Variants in ASB15 observed in about 807,000 individuals in gnomAD.
The protein encoded by ASB15 is ankyrin repeat and SOCS box protein 15.
ASB15 carries 54 observed loss-of-function variants against 58.0 expected under a neutral mutation model. The observed-to-expected ratio is 0.93, with a 90% confidence interval of 0.75 to 1.17. The LOEUF (loss-of-function observed/expected upper bound fraction) is 1.17, where lower values mean the gene tolerates loss of function less well. ASB15 is among the 50% of genes most tolerant of loss of function. The probability of loss-of-function intolerance (pLI) is 0.00; values close to 1 mark genes in which losing one functional copy is unlikely to be tolerated. For synonymous variants in ASB15, 249 were observed against 262.4 expected (o/e 0.95, Z 0.50); for missense variants, 680 against 707.4 (o/e 0.96, Z 0.44).
chr7:123,618,732 C>T (rs1413312453), intron 7 of ASB15, among the ~76,000 whole-genome samples: 3 of 151,778 alleles, frequency 2.0e-5, no homozygotes, highest in Non-Finnish European at 2.9e-5. Context: ...CTCCTGTTCA[C>T]AGAGGAATCA....
At chr7:123,619,697 G>A (rs1290292541) in intron 7 of ASB15, among the ~76,000 whole-genome samples, 1 of 152,056 alleles carries the variant, frequency 6.6e-6, no homozygotes, top group Non-Finnish European at 1.5e-5. Flanking sequence ...CTAATGTTTT[G>A]TATTTTTAGT....
At chr7:123,635,782 A>G (rs1802395838) in intron 11 of ASB15, among the ~76,000 whole-genome samples, 1 of 151,620 alleles carries the variant, frequency 6.6e-6, no homozygotes, top group South Asian at 2.1e-4. Flanking sequence ...TCTGTAAGGC[A>G]GCATATTGGT....
At chr7:123,569,493 A>G (rs1030049113) in intron 1 of ASB15, among the ~76,000 whole-genome samples, 2 of 152,192 alleles carry the variant, frequency 1.3e-5, no homozygotes, top group African/African-American at 2.4e-5. Context: ...ATGCTATTGC[A>G]TGCATTTTTA....
intron 11 of ASB15, among the ~76,000 whole-genome samples, chr7:123,636,255 TATAG>T (rs1435992248): frequency 2.0e-5 from 3 of 152,192 alleles, no homozygotes; most frequent in Admixed American, 2.0e-4. Context: ...GCAATTATAA[TATAG>T]ATAAAGTAAG....
chr7:123,609,462 G>A (rs1008150124), intron 3 of ASB15, among the ~76,000 whole-genome samples: 1 of 152,170 alleles, frequency 6.6e-6, no homozygotes, highest in Admixed American at 6.5e-5. Context: ...GATGTGACAG[G>A]TGCTGGGGGC....
At chr7:123,619,571 T>C (rs1244651406) in intron 7 of ASB15, among the ~76,000 whole-genome samples, 1 of 152,130 alleles carries the variant, frequency 6.6e-6, no homozygotes, top group Non-Finnish European at 1.5e-5. Context: ...TTGCCCAGGC[T>C]GGAGTGCAGT....
chr7:123,626,516 T>C (rs1370905372), intron 8 of ASB15, among the ~76,000 whole-genome samples: 2 of 152,206 alleles, frequency 1.3e-5, no homozygotes, highest in Non-Finnish European at 2.9e-5. Flanking sequence ...CTACTGTCTT[T>C]AAATTAAAAA....
chr7:123,615,888 T>G (rs922293585), intron 4 of ASB15, among the ~76,000 whole-genome samples: 3 of 152,164 alleles, frequency 2.0e-5, no homozygotes, highest in African/African-American at 7.2e-5. Context: ...CTCCCCAGAA[T>G]CACAAAATCA....
At chr7:123,598,013 C>G (rs1386757639), upstream of ASB15, among the ~76,000 whole-genome samples, 1 of 144,348 alleles carries the variant, frequency 6.9e-6, no homozygotes, top group Non-Finnish European at 1.5e-5. Flanking sequence ...CATCTCTCTA[C>G]TTGTTTGTCT....
chr7:123,616,390 G>A lies in ASB15; in HGVS notation c.187G>A (p.Val63Ile), dbSNP rs755015590. ...QGHIPELQEYVKYKYAMDEAD... is the reference protein window; with the variant it reads ...QGHIPELQEYIKYKYAMDEAD... ...TCACATTCCTGAGCTCCAGGAGTAT[G>A]TAAAATATAAATATGCAATGGATGA... Residue 63 changes from valine (V) to isoleucine (I), a missense_variant, in exon 6 of 12, where the codon GTA (valine) becomes ATA (isoleucine). Val to Ile is a conservative substitution (Grantham distance 29, BLOSUM62 3). Coordinates refer to ENST00000451215, the MANE Select transcript of ASB15 (RefSeq NM_001290258.2). The A allele has an allele frequency of 6.2e-7, 1 of 1,608,872 alleles. No homozygotes were observed. Among genetic ancestry groups the A allele is most frequent in the African/African-American group, 1.3e-5 (1 of 74,716 alleles).
intron 1 of ASB15, among the ~76,000 whole-genome samples, chr7:123,574,021 T>A (rs1487230952): frequency 2.6e-5 from 4 of 152,114 alleles, no homozygotes; most frequent in African/African-American, 9.7e-5. Context: ...AAGAAATACA[T>A]GTTACTCATT....
chr7:123,591,090 G>T (rs915402596), intron 1 of ASB15, among the ~76,000 whole-genome samples: 5 of 152,062 alleles, frequency 3.3e-5, no homozygotes, highest in African/African-American at 4.8e-5. Context: ...TCATAATTTG[G>T]CTCTCTGTTT....
chr7:123,600,919 G>GA (rs751899524), upstream of ASB15, among the ~76,000 whole-genome samples: 13 of 152,060 alleles, frequency 8.5e-5, no homozygotes, highest in Non-Finnish European at 1.5e-4. Context: ...AGAGTTTCAG[G>GA]AAAAAGGGAA....
At chr7:123,630,978 C>G (rs1802087584) in intron 11 of ASB15, among the ~76,000 whole-genome samples, 1 of 152,150 alleles carries the variant, frequency 6.6e-6, no homozygotes, top group African/African-American at 2.4e-5. Context: ...AGAAATTGAG[C>G]TCTGGGGTCA....
At chr7:123,589,155 C>T (rs1799458677) in intron 1 of ASB15, among the ~76,000 whole-genome samples, 1 of 151,724 alleles carries the variant, frequency 6.6e-6, no homozygotes, top group Non-Finnish European at 1.5e-5. Flanking sequence ...AAGTCCCCTA[C>T]TATTATTGTC....
At chr7:123,583,232 T>G (rs1047445803) in intron 1 of ASB15, among the ~76,000 whole-genome samples, 1 of 151,806 alleles carries the variant, frequency 6.6e-6, no homozygotes, top group South Asian at 2.1e-4. Flanking sequence ...TCTAAAAAGA[T>G]AAATAAATAG....
chr7:123,580,612 T>C (rs1799203016), intron 1 of ASB15, among the ~76,000 whole-genome samples: 1 of 152,060 alleles, frequency 6.6e-6, no homozygotes. Flanking sequence ...ATGGCACCTT[T>C]GTGCAGTTTG....
chr7:123,600,511 A>T (rs534771981), upstream of ASB15, among the ~76,000 whole-genome samples: 18 of 152,330 alleles, frequency 1.2e-4, no homozygotes, highest in African/African-American at 4.3e-4. Flanking sequence ...AGTAAAAAAA[A>T]GTTGTATAAA....
chr7:123,612,055 C>G (rs527862603), intron 3 of ASB15, among the ~76,000 whole-genome samples: 1 of 152,176 alleles, frequency 6.6e-6, no homozygotes, highest in Non-Finnish European at 1.5e-5. Flanking sequence ...ACTGAAAGCC[C>G]AAATTTCAAA....
Sources: allele counts gnomAD v4.1 joint callset (sites outside exome capture counted in the v4.1 genomes callset), GRCh38; gene constraint gnomAD v4.1.1; transcripts MANE v1.5; gene names NCBI Gene and HGNC (gene_info 2026-07-23, HGNC 2026-07-21).